DCUN1D5: variants seen among roughly 807,000 people sequenced by gnomAD.
DCUN1D5 encodes the protein defective in cullin neddylation 1 domain containing 5.
A neutral mutation model predicts 38.3 loss-of-function variants in DCUN1D5; 10 were observed. The observed-to-expected ratio is 0.26, with a 90% CI of 0.16 to 0.44. DCUN1D5 has a LOEUF of 0.44. DCUN1D5 is among the 20% of genes least tolerant of loss of function. The pLI, the probability that DCUN1D5 is intolerant of heterozygous loss-of-function variation, is 1.00. For missense variants in DCUN1D5, 148 were observed against 275.3 expected (o/e 0.54, Z 3.27); for synonymous variants, 93 against 90.9 (o/e 1.02, Z -0.13).
At chr11:103,080,683 T>G (rs572803615) in intron 4 of DCUN1D5, among the ~76,000 whole-genome samples, 1 of 152,292 alleles carries the variant, frequency 6.6e-6, no homozygotes, top group South Asian at 2.1e-4. Flanking sequence ...TTGTATACCC[T>G]GTGACCTTCC....
intron 2 of DCUN1D5, among the ~76,000 whole-genome samples, chr11:103,085,082 A>C (rs190283616): frequency 2.3e-4 from 35 of 152,356 alleles, no homozygotes; most frequent in African/African-American, 8.4e-4. Context: ...AGCATCAAGA[A>C]AACATACTTG....
chr11:103,050,754 A>G lies in DCUN1D5; in HGVS notation c.*11605T>C, dbSNP rs977184977. The G allele has an allele frequency of 6.6e-6, 1 of 152,194 alleles. No individual in the cohort carries two copies. Among genetic ancestry groups the G allele is most frequent in the Non-Finnish European group, 1.5e-5 (1 of 68,036 alleles). 9.4% of individuals were successfully genotyped at this position (152,194 alleles called of 1,614,324 possible). On this transcript the variant is annotated 3_prime_UTR_variant, in exon 8 of 8. Coordinates refer to ENST00000260247, the MANE Select transcript of DCUN1D5 (RefSeq NM_032299.4). The stretch of plus-strand genomic sequence containing the variant: ...TATTCCATTTATTGAGTGCTTTTCT[A>G]TACTGTGGATAGTTCTGAGTACTGG...
chr11:103,089,405 C>T, intron 1 of DCUN1D5, 87 bp from the exon 2 acceptor site: 2 of 1,177,546 alleles, frequency 1.7e-6, no homozygotes, highest in Non-Finnish European at 2.3e-6. Context: ...CTTCCATTCA[C>T]ATTAAACAAA....
intron 2 of DCUN1D5, among the ~76,000 whole-genome samples, chr11:103,084,913 G>C (rs1829377366): frequency 1.3e-5 from 2 of 152,042 alleles, no homozygotes; most frequent in African/African-American, 4.8e-5. Flanking sequence ...CTTGAGCCCA[G>C]GAGTTTGAGG....
At position 103,077,573 on chromosome 11, in the gene DCUN1D5, G is replaced by C. The variant is rs1468223935; in HGVS notation, c.341+5175C>G. On this transcript the variant is annotated intron_variant, in intron 4 of 7. Coordinates refer to ENST00000260247, the MANE Select transcript of DCUN1D5 (RefSeq NM_032299.4). The surrounding 1 kb of genome is among the most constrained non-coding windows in gnomAD (Gnocchi z 4.3). ...AAATGGGTATTAATTTCAACGTTAG[G>C]ACTCGGAAATTAATTTCCTGGTATT... is the stretch of plus-strand genomic sequence containing the variant. 6.6e-6 allele frequency among the ~76,000 whole-genome samples: 1 copy of C among 152,140 alleles called. No individual in the cohort carries two copies. The highest frequency in any genetic ancestry group is 1.5e-5 in the Non-Finnish European group (1 of 68,030).
chr11:103,061,634 CTATA>C lies in DCUN1D5; in HGVS notation c.*721_*724del. Among the ~76,000 whole-genome samples the C allele has an allele frequency of 6.7e-6, 1 of 150,160 alleles. No homozygotes were observed. The highest frequency in any genetic ancestry group is 1.9e-4 in the East Asian group (1 of 5,150). ...AAAAAAGTGCTTTAAACAAAATTCC[CTATA>C]TAATGACAGTTAAAAATATAAATAT... On this transcript the variant is annotated 3_prime_UTR_variant, in exon 8 of 8. Transcript: ENST00000260247.
At position 103,052,838 on chromosome 11, in the gene DCUN1D5, C is replaced by G. The variant is rs183638848; in HGVS notation, c.*9521G>C. The G allele has an allele frequency of 2.0e-5, 3 of 152,230 alleles. No homozygotes were observed. The East Asian group carries it at 5.8e-4, about 29-fold the overall frequency. The allele number at this position is 152,230 out of a possible 1,614,324, so 9.4% of individuals were successfully genotyped here. Reference sequence around the variant, plus strand: ...AATTCCTAAATAGAAATTCAGTTTTCTCACTCTATTACTTTGTTCACATGT... The same window carrying G: ...AATTCCTAAATAGAAATTCAGTTTTGTCACTCTATTACTTTGTTCACATGT... On this transcript the variant is annotated 3_prime_UTR_variant, in exon 8 of 8. Coordinates refer to ENST00000260247, the MANE Select transcript of DCUN1D5 (RefSeq NM_032299.4).
rs578177799 is a variant in DCUN1D5 at position 103,086,229 on chromosome 11, G to GTC, written c.179-2904_179-2903insGA. On this transcript the variant is annotated intron_variant, in intron 2 of 7. Transcript: ENST00000260247. This position sits in a 1 kb window ranked among gnomAD's most constrained non-coding sequence, Gnocchi z 4.1. ...ACACAGCACCTTCAACATGAGCTAC[G>GTC]TAAGAGTCATTAATTTTGGAACACT... 1.1e-4 allele frequency among the ~76,000 whole-genome samples: 17 copies of GTC among 151,968 alleles called. No homozygotes were observed. The South Asian group carries it at 3.5e-3, about 32-fold the overall frequency.
chr11:103,068,876 C>T (rs1267608126), intron 4 of DCUN1D5, among the ~76,000 whole-genome samples: 4 of 151,544 alleles, frequency 2.6e-5, no homozygotes, highest in African/African-American at 9.7e-5. Context: ...AAAATACATG[C>T]ATATTTTTGC....
intron 4 of DCUN1D5, among the ~76,000 whole-genome samples, chr11:103,081,831 T>C (rs893832198): frequency 6.6e-6 from 1 of 152,176 alleles, no homozygotes; most frequent in East Asian, 1.9e-4. Flanking sequence ...TACAAACCAT[T>C]AGCACTGAAA....
At position 103,063,980 on chromosome 11, in the gene DCUN1D5, C is replaced by A. The variant is rs1233333290; in HGVS notation, c.658+295G>T. ...GTACTTTTCTTCCATAGGCAAATGC[C>A]AGGAAAGACAGAAACAAAGCTGAAT... On this transcript the variant is annotated intron_variant, in intron 7 of 7. Transcript: ENST00000260247. The surrounding 1 kb of genome is among the most constrained non-coding windows in gnomAD (Gnocchi z 4.6). Among the ~76,000 whole-genome samples the A allele has an allele frequency of 6.6e-6, 1 of 151,908 alleles. No individual in the cohort carries two copies. The highest frequency in any genetic ancestry group is 1.5e-5 in the Non-Finnish European group (1 of 67,950).
rs144823846 is a variant in DCUN1D5 at position 103,069,691 on chromosome 11, C to T, written c.342-3124G>A. Among the ~76,000 whole-genome samples, 34 of 152,254 alleles carry T rather than the reference C, an allele frequency of 2.2e-4. 1 individual carries two copies. Among genetic ancestry groups the T allele is most frequent in the African/African-American group, 7.7e-4 (32 of 41,556 alleles). ...TCAGACAAGAAAGCATCAGTAAAAG[C>T]GTAGTGGGAACCCAGAACTCTCATC... On this transcript the variant is annotated intron_variant, in intron 4 of 7. Transcript: ENST00000260247.
intron 4 of DCUN1D5, among the ~76,000 whole-genome samples, chr11:103,081,176 CTT>C (rs752478348): frequency 2.6e-5 from 4 of 152,020 alleles, no homozygotes; most frequent in Non-Finnish European, 5.9e-5. Context: ...AAATAAGAAA[CTT>C]TTAGATTTAA....
intron 2 of DCUN1D5, among the ~76,000 whole-genome samples, chr11:103,084,707 G>T (rs1004105566): frequency 6.6e-6 from 1 of 152,138 alleles, no homozygotes; most frequent in Non-Finnish European, 1.5e-5. Flanking sequence ...AAATTTAAGA[G>T]GCCCAGGCGC....
In DCUN1D5 at chr11:103,062,127, G is replaced by T; in HGVS notation, c.*232C>A. ...GAATCTTTATTGTTCTGAAATAAAT[G>T]TTATAAACATAACTCAAAACAAAAA... is the stretch of plus-strand genomic sequence containing the variant. On this transcript the variant is annotated 3_prime_UTR_variant, in exon 8 of 8. Transcript: ENST00000260247. This position sits in a 1 kb window ranked among gnomAD's most constrained non-coding sequence, Gnocchi z 4.6. 2.2e-6 allele frequency: 1 copy of T among 453,566 alleles called. No homozygotes were observed. The highest frequency in any genetic ancestry group is 4.4e-5 in the South Asian group (1 of 22,502). The allele number at this position is 453,566 out of a possible 1,614,324, so 28.1% of individuals were successfully genotyped here.
intron 4 of DCUN1D5, among the ~76,000 whole-genome samples, chr11:103,068,315 A>G: frequency 6.6e-6 from 1 of 152,160 alleles, no homozygotes; most frequent in Non-Finnish European, 1.5e-5. Context: ...CGATCCAGCA[A>G]TCCCATTATT....
rs538733063 is a variant in DCUN1D5, at chr11:103,083,594, G to A, written c.179-268C>T. ...CTCCATTAGTATCAATCACAAGTTA[G>A]TACAAAAACTCAAACCAATCCATTA... On this transcript the variant is annotated intron_variant, in intron 2 of 7. Coordinates refer to ENST00000260247, the MANE Select transcript of DCUN1D5 (RefSeq NM_032299.4). This position sits in a 1 kb window ranked among gnomAD's most constrained non-coding sequence, Gnocchi z 4.4. Among the ~76,000 whole-genome samples, 1 of 151,730 alleles carries A rather than the reference G, an allele frequency of 6.6e-6. No homozygotes were observed. Among genetic ancestry groups the A allele is most frequent in the East Asian group, 1.9e-4 (1 of 5,168 alleles).
chr11:103,072,077 C>T (rs991530997), intron 4 of DCUN1D5, among the ~76,000 whole-genome samples: 6 of 151,458 alleles, frequency 4.0e-5, no homozygotes, highest in Non-Finnish European at 5.9e-5. Flanking sequence ...TCCTCAACTT[C>T]GTAGAGCATA....
In DCUN1D5 at chr11:103,078,095, G is replaced by T. The variant is rs17099900; in HGVS notation, c.341+4653C>A. ...CCATTCCTTTTACACTTCAAAGTCC[G>T]GGGCTCAATAGAGACTAGATTTACA... On this transcript the variant is annotated intron_variant, in intron 4 of 7. Transcript: ENST00000260247. The surrounding 1 kb of genome is among the most constrained non-coding windows in gnomAD (Gnocchi z 4.6). Among the ~76,000 whole-genome samples, 4 of 152,026 alleles carry T rather than the reference G, an allele frequency of 2.6e-5. No individual in the cohort carries two copies. Among genetic ancestry groups the T allele is most frequent in the African/African-American group, 9.7e-5 (4 of 41,356 alleles).
Sources: gnomAD v4.1 joint callset for allele counts (sites outside exome capture counted in the v4.1 genomes callset) on GRCh38, gnomAD v4.1.1 for gene constraint, Gnocchi (gnomAD v3.1) non-coding constraint, MANE v1.5 for transcripts, NCBI Gene and HGNC (gene_info 2026-07-23, HGNC 2026-07-21) for gene names.